ANKAR: variants seen among roughly 807,000 people sequenced by gnomAD.
The protein encoded by ANKAR is ankyrin and armadillo repeat containing, also known as ankyrin and armadillo repeat-containing protein.
Under a neutral mutation model 146.2 loss-of-function variants are expected in ANKAR, and 136 were observed. The ratio of observed to expected loss-of-function variants is 0.93; its 90% CI spans 0.81 to 1.07. ANKAR has a LOEUF of 1.07. ANKAR is among the 50% of genes least tolerant of loss of function. The probability of loss-of-function intolerance (pLI) is 0.00; values close to 1 mark genes in which losing one functional copy is unlikely to be tolerated. For missense variants in ANKAR, 1,567 were observed against 1,679.9 expected (o/e 0.93, Z 1.18); for synonymous variants, 500 against 575.8 (o/e 0.87, Z 1.88).
At chr2:189,722,456 TCTAA>T (rs1206059262) in intron 12 of ANKAR, among the ~76,000 whole-genome samples, 1 of 152,198 alleles carries the variant, frequency 6.6e-6, no homozygotes. Context: ...TTGTGTTTTA[TCTAA>T]CTAATTAAAA....
rs184594837 is a variant in ANKAR, at chr2:189,699,570, T to C, written c.1708+3201T>C. On this transcript the variant is annotated intron_variant, in intron 7 of 22. Transcript: ENST00000684021. Reference sequence around the variant, plus strand: ...TTTCACTTGTGCATAAGCATATATATGTCATTCATTTCATAAATGTCATTC... The same window carrying C: ...TTTCACTTGTGCATAAGCATATATACGTCATTCATTTCATAAATGTCATTC... 2.6e-5 allele frequency among the ~76,000 whole-genome samples: 4 copies of C among 152,314 alleles called. No homozygotes were observed. In the East Asian group the frequency reaches 7.7e-4, roughly 29 times the overall value.
chr2:189,708,334 A>G (rs908508667), intron 9 of ANKAR, among the ~76,000 whole-genome samples: 2 of 152,220 alleles, frequency 1.3e-5, no homozygotes, highest in South Asian at 2.1e-4. Context: ...GTAATCTATT[A>G]TTAGTTATTG....
intron 2 of ANKAR, among the ~76,000 whole-genome samples, chr2:189,678,580 G>C (rs1172456897): frequency 6.6e-6 from 1 of 152,174 alleles, no homozygotes; most frequent in Non-Finnish European, 1.5e-5. Context: ...CTTAGATTTA[G>C]TTCTCGATCC....
downstream of ANKAR, chr2:189,747,359 A>AAAG (rs2044289692): frequency 6.6e-6 from 1 of 151,084 alleles, no homozygotes; most frequent in Non-Finnish European, 1.5e-5. Flanking sequence ...AAAAAAAAAA[A>AAAG]GTCTGAGAGT....
rs2040056786 is a variant in ANKAR, at chr2:189,713,951, AG to A, written c.2224+2802del. ...AGCAAATGGAAAGCAAAAAAATAGC[AG>A]GGGTTGCCATCCTAGTCTCTGATAA... On this transcript the variant is annotated intron_variant, in intron 10 of 22. Coordinates refer to ENST00000684021, the MANE Select transcript of ANKAR (RefSeq NM_001378068.1). Among the ~76,000 whole-genome samples the A allele has an allele frequency of 2.0e-5, 3 of 152,314 alleles. No homozygotes were observed. In the East Asian group the frequency reaches 5.8e-4, roughly 29 times the overall value.
At chr2:189,731,376 C>CTTTTTTTTT (rs71023714) in intron 16 of ANKAR, among the ~76,000 whole-genome samples, 2 of 137,396 alleles carry the variant, frequency 1.5e-5, no homozygotes, top group East Asian at 2.1e-4. Flanking sequence ...TTTCTTTTTT[C>CTTTTTTTTT]TTTTTTTTTT....
chr2:189,700,322 G>A lies in ANKAR; in HGVS notation c.1708+3953G>A, dbSNP rs768946081. On this transcript the variant is annotated intron_variant, in intron 7 of 22. Coordinates refer to ENST00000684021, the MANE Select transcript of ANKAR (RefSeq NM_001378068.1). ...CTTGCATAGTTTCTGAGGAGAACTTGGGTATAATTCTTATTTTTGCTTCTC... is the reference window on the plus strand; with the variant it reads ...CTTGCATAGTTTCTGAGGAGAACTTAGGTATAATTCTTATTTTTGCTTCTC... Among the ~76,000 whole-genome samples, 4 of 152,098 alleles carry A rather than the reference G, an allele frequency of 2.6e-5. No homozygotes were observed. The East Asian group carries it at 5.8e-4, about 22-fold the overall frequency.
intron 4 of ANKAR, 76 bp from the exon 5 acceptor site, chr2:189,692,998 C>A: frequency 1.3e-6 from 1 of 785,258 alleles, no homozygotes; most frequent in Non-Finnish European, 2.0e-6. Context: ...CATGTATACT[C>A]TTTCATACAA....
downstream of ANKAR, among the ~76,000 whole-genome samples, chr2:189,749,639 C>T (rs373480129): frequency 1.3e-5 from 2 of 151,848 alleles, no homozygotes; most frequent in African/African-American, 2.4e-5. Context: ...ACAACTAAAG[C>T]GTACAATACA....
intron 16 of ANKAR, 37 bp from the exon 17 acceptor site, chr2:189,733,070 A>T (rs371187963): frequency 7.5e-5 from 118 of 1,581,652 alleles, no homozygotes; most frequent in Non-Finnish European, 9.4e-5. Flanking sequence ...TTCATAAAGC[A>T]TAATTGAAAA....
chr2:189,682,266 C>G (rs961953301), intron 2 of ANKAR, among the ~76,000 whole-genome samples: 4 of 151,962 alleles, frequency 2.6e-5, no homozygotes, highest in Non-Finnish European at 2.9e-5. Context: ...AACCACCACT[C>G]TGCAGCCTGG....
chr2:189,681,312 A>C (rs2034630758), intron 2 of ANKAR, among the ~76,000 whole-genome samples: 1 of 152,228 alleles, frequency 6.6e-6, no homozygotes, highest in Non-Finnish European at 1.5e-5. Flanking sequence ...AGGAAGGAGC[A>C]CATGTCCTGT....
downstream of ANKAR, among the ~76,000 whole-genome samples, chr2:189,748,453 G>T (rs1194600743): frequency 6.6e-6 from 1 of 152,036 alleles, no homozygotes; most frequent in Non-Finnish European, 1.5e-5. Flanking sequence ...CGAATTCCTG[G>T]CCTCAAGTGA....
chr2:189,760,269 G>A (rs2046813487), intron 18 of ANKAR, among the ~76,000 whole-genome samples: 1 of 152,058 alleles, frequency 6.6e-6, no homozygotes, highest in Admixed American at 6.5e-5. Context: ...ATGAACTGTT[G>A]GGTACACCTC....
At chr2:189,749,992 G>A (rs192229363), downstream of ANKAR, among the ~76,000 whole-genome samples, 4 of 152,228 alleles carry the variant, frequency 2.6e-5, no homozygotes, top group Admixed American at 2.6e-4. Context: ...ACGTGGTGGT[G>A]GGCTCCTGTA....
At chr2:189,734,229 A>G (rs1325300721) in intron 17 of ANKAR, among the ~76,000 whole-genome samples, 2 of 152,202 alleles carry the variant, frequency 1.3e-5, no homozygotes, top group African/African-American at 4.8e-5. Context: ...GTAGTTAATA[A>G]GTATCTTAAG....
intron 22 of ANKAR, among the ~76,000 whole-genome samples, chr2:189,745,866 A>G (rs976266432): frequency 3.9e-5 from 6 of 152,212 alleles, no homozygotes. Context: ...TCATGGGTAG[A>G]AAAGCATCCA....
chr2:189,704,208 C>T (rs553490830), intron 7 of ANKAR, among the ~76,000 whole-genome samples: 2 of 150,262 alleles, frequency 1.3e-5, no homozygotes, highest in South Asian at 4.2e-4. Context: ...GTGGCATGAT[C>T]TCTGCTCACT....
chr2:189,728,498 C>T, intron 14 of ANKAR, 78 bp downstream of exon 14: 1 of 1,481,328 alleles, frequency 6.8e-7, no homozygotes, highest in Non-Finnish European at 9.1e-7. Context: ...TGTGCAGTGG[C>T]ACAATTATAG....
Sources: gnomAD v4.1 joint callset for allele counts (sites outside exome capture counted in the v4.1 genomes callset) on GRCh38, gnomAD v4.1.1 for gene constraint, MANE v1.5 for transcripts, NCBI Gene and HGNC (gene_info 2026-07-23, HGNC 2026-07-21) for gene names.